Variants in PPP2R3A observed in about 807,000 individuals in gnomAD.
PPP2R3A encodes serine/threonine-protein phosphatase 2A regulatory subunit B'' subunit alpha.
In PPP2R3A, 80 loss-of-function variants were observed where a neutral mutation model predicts 106.9. The ratio of observed to expected loss-of-function variants is 0.75; its 90% CI spans 0.62 to 0.90. The LOEUF is 0.90. Among genes scored for constraint, PPP2R3A ranks in the 40% least tolerant of loss-of-function variants. The pLI is 0.00. For synonymous variants in PPP2R3A, 483 were observed against 468.3 expected, an observed-to-expected ratio of 1.03 and a Z score of -0.41; for missense variants, 1,386 against 1,350.4, an observed-to-expected ratio of 1.03 and a Z score of -0.41.
At chr3:136,069,184 A>G (rs1427776716) in intron 5 of PPP2R3A, among the ~76,000 whole-genome samples, 1 of 152,210 alleles carries the variant, frequency 6.6e-6, no homozygotes, top group Non-Finnish European at 1.5e-5. Flanking sequence ...GGTTTTTATC[A>G]CTATACTATT....
intron 1 of PPP2R3A, among the ~76,000 whole-genome samples, chr3:135,994,354 G>GT (rs1559856797): frequency 6.6e-6 from 1 of 152,112 alleles, no homozygotes; most frequent in Non-Finnish European, 1.5e-5. Context: ...TTCTGTTTCA[G>GT]TTTTTTCCTC....
Position 136,100,426 on chromosome 3 carries a change from G to A in PPP2R3A, c.2928-1581G>A, listed in dbSNP as rs145384902. Among the ~76,000 whole-genome samples, 968 of 151,898 alleles carry A rather than the reference G, an allele frequency of 6.4e-3. 14 individuals carry two copies. Among genetic ancestry groups the A allele is most frequent in the African/African-American group, 0.022 (919 of 41,434 alleles). On this transcript the variant is annotated intron_variant, in intron 10 of 13. Transcript: ENST00000264977. The stretch of plus-strand genomic sequence containing the variant: ...GCCGTGGCTCACGCCTGTAATCCCA[G>A]CACTTTGGGAGGCCTAGGCGGGCAG...
intron 3 of PPP2R3A, among the ~76,000 whole-genome samples, chr3:136,032,525 T>A (rs563893665): frequency 0.049 from 7,311 of 150,586 alleles, 221 homozygotes; most frequent in Non-Finnish European, 0.064. Context: ...TTAATTTATT[T>A]ATTTATTTTT....
In PPP2R3A at chr3:136,036,274, T is replaced by G. The variant is rs187393516; in HGVS notation, c.2263-4585T>G. On this transcript the variant is annotated intron_variant, in intron 3 of 13. Transcript: ENST00000264977. ...ATTGCTGATAAGCTAGTGTGATTTT[T>G]TGAAGGTATTAAAGAACATTGTTTT... is the stretch of plus-strand genomic sequence containing the variant. 3.6e-4 allele frequency among the ~76,000 whole-genome samples: 55 copies of G among 152,310 alleles called. 1 individual carries two copies. Among genetic ancestry groups the G allele is most frequent in the African/African-American group, 1.3e-3 (54 of 41,574 alleles).
chr3:135,967,171 A>G (rs1937113398), intron 1 of PPP2R3A, among the ~76,000 whole-genome samples: 1 of 152,170 alleles, frequency 6.6e-6, no homozygotes, highest in East Asian at 1.9e-4. Context: ...ATGGCATGAG[A>G]TACTTGTGGA....
At chr3:136,122,132 G>T (rs762834262) in intron 13 of PPP2R3A, among the ~76,000 whole-genome samples, 2 of 152,078 alleles carry the variant, frequency 1.3e-5, no homozygotes, top group Non-Finnish European at 2.9e-5. Context: ...TGAAATAAAT[G>T]AATTAGGCAA....
chr3:136,144,273 T>C (rs1939007300), intron 13 of PPP2R3A, among the ~76,000 whole-genome samples: 1 of 152,218 alleles, frequency 6.6e-6, no homozygotes, highest in Non-Finnish European at 1.5e-5. Context: ...AATCCATAAA[T>C]GCACTTTAGT....
At chr3:135,976,008 G>A (rs1937410458) in intron 1 of PPP2R3A, among the ~76,000 whole-genome samples, 1 of 151,950 alleles carries the variant, frequency 6.6e-6, no homozygotes, top group South Asian at 2.1e-4. Flanking sequence ...TTATTTCCTT[G>A]GGGCTGAATA....
rs558487418 is a variant in PPP2R3A, at chr3:136,055,429, G to A, written c.2469+6068G>A. 4.7e-6 allele frequency: 5 copies of A among 1,061,422 alleles called. No homozygotes were observed. In the African/African-American group the frequency reaches 7.7e-5, roughly 16 times the overall value. 65.8% of individuals were successfully genotyped at this position (1,061,422 alleles called of 1,614,324 possible). On this transcript the variant is annotated intron_variant, in intron 5 of 13. Coordinates refer to ENST00000264977, the MANE Select transcript of PPP2R3A (RefSeq NM_002718.5). ...CTGTTGCTCTCCGAGGTGCCATAAT[G>A]CAAATGCTTAAGGCACAAAGTGTAA...
chr3:136,107,421 T>C (rs1937535902), intron 13 of PPP2R3A, among the ~76,000 whole-genome samples: 1 of 145,256 alleles, frequency 6.9e-6, no homozygotes, highest in Non-Finnish European at 1.5e-5. Context: ...TTTAGAAAGA[T>C]ACATGAATTC....
At chr3:136,011,849 C>A (rs1177987652) in intron 2 of PPP2R3A, among the ~76,000 whole-genome samples, 1 of 152,112 alleles carries the variant, frequency 6.6e-6, no homozygotes, top group Non-Finnish European at 1.5e-5. Context: ...CTTTGGCATC[C>A]AAGAGACGTA....
chr3:136,064,145 T>C (rs1936180494), intron 5 of PPP2R3A, among the ~76,000 whole-genome samples: 1 of 151,746 alleles, frequency 6.6e-6, no homozygotes, highest in Non-Finnish European at 1.5e-5. Context: ...GAAACCATCA[T>C]TCTGAGCAAA....
intron 5 of PPP2R3A, among the ~76,000 whole-genome samples, chr3:136,050,400 G>A (rs904779180): frequency 6.6e-6 from 1 of 152,182 alleles, no homozygotes; most frequent in Non-Finnish European, 1.5e-5. Context: ...TTTAACCTCA[G>A]ACCTTCCTGA....
chr3:136,011,704 T>C (rs1308198301), intron 2 of PPP2R3A, among the ~76,000 whole-genome samples: 2 of 152,274 alleles, frequency 1.3e-5, no homozygotes, highest in Middle Eastern at 3.4e-3. Flanking sequence ...CATAGAGATC[T>C]TTGAATCAGT....
chr3:136,021,053 C>T (rs1000469817), intron 2 of PPP2R3A, among the ~76,000 whole-genome samples: 3 of 152,016 alleles, frequency 2.0e-5, no homozygotes, highest in Admixed American at 6.6e-5. Flanking sequence ...ACCTACTCAC[C>T]TACAGCCACA....
intron 3 of PPP2R3A, among the ~76,000 whole-genome samples, chr3:136,031,478 C>T (rs1559878600): frequency 6.6e-6 from 1 of 152,136 alleles, no homozygotes; most frequent in Admixed American, 6.6e-5. Flanking sequence ...CTGACTGTTC[C>T]TTTCACCATG....
intron 6 of PPP2R3A, among the ~76,000 whole-genome samples, chr3:136,076,852 C>T (rs1310843165): frequency 2.0e-5 from 3 of 151,472 alleles, no homozygotes; most frequent in Non-Finnish European, 2.9e-5. Flanking sequence ...GAGGCTGAGG[C>T]AGGAGAATGG....
intron 5 of PPP2R3A, among the ~76,000 whole-genome samples, chr3:136,052,563 G>T (rs2107868602): frequency 6.6e-6 from 1 of 152,258 alleles, no homozygotes; most frequent in Non-Finnish European, 1.5e-5. Flanking sequence ...TTTCGTGAAA[G>T]CTTCATACAG....
rs1939165892 is a variant in PPP2R3A at position 136,147,073 on chromosome 3, GTC to G, written c.*1911_*1912del. The G allele has an allele frequency of 6.6e-6, 1 of 151,890 alleles. No individual in the cohort carries two copies. The highest frequency in any genetic ancestry group is 6.5e-5 in the Admixed American group (1 of 15,270). The allele number at this position is 151,890 out of a possible 1,614,324, so 9.4% of individuals were successfully genotyped here. A position where few individuals can be genotyped will look rare whatever the true frequency, so the allele number is the denominator to read the frequency against. ...CTTTCACTTTGATCTGGTTTTTGAA[GTC>G]TCTTAATTATTGGCTGGGCATGGTG... On this transcript the variant is annotated 3_prime_UTR_variant, in exon 14 of 14. Coordinates refer to ENST00000264977, the MANE Select transcript of PPP2R3A (RefSeq NM_002718.5).
Sources: gnomAD v4.1 joint callset for allele counts (sites outside exome capture counted in the v4.1 genomes callset) on GRCh38, gnomAD v4.1.1 for gene constraint, MANE v1.5 for transcripts, NCBI Gene and HGNC (gene_info 2026-07-23, HGNC 2026-07-21) for gene names.